CFAP70: variants seen among roughly 807,000 people sequenced by gnomAD.
CFAP70 encodes the protein cilia and flagella associated protein 70, also known as cilia- and flagella-associated protein 70.
In CFAP70, 81 loss-of-function variants were observed where a neutral mutation model predicts 137.6. The observed-to-expected ratio is 0.59, with a 90% CI of 0.49 to 0.71. CFAP70 has a LOEUF of 0.71. CFAP70 is among the 30% of genes least tolerant of loss of function. The pLI, the probability that CFAP70 is intolerant of heterozygous loss-of-function variation, is 0.00. For synonymous variants in CFAP70, 382 were observed against 423.6 expected, an observed-to-expected ratio of 0.90 and a Z score of 1.20; for missense variants, 976 against 1,226.7, an observed-to-expected ratio of 0.80 and a Z score of 3.05.
At chr10:73,298,925 A>C in exon 14 of CFAP70, 1 of 1,613,926 alleles carries the variant, frequency 6.2e-7, no homozygotes, top group Non-Finnish European at 8.5e-7. Flanking sequence ...GTTCTTTGAA[A>C]GCAAAGTATT....
chr10:73,284,471 G>A (rs2131840561), intron 19 of CFAP70, among the ~76,000 whole-genome samples: 1 of 151,940 alleles, frequency 6.6e-6, no homozygotes, highest in Middle Eastern at 3.4e-3. Flanking sequence ...AACATCTTTG[G>A]AGGAGCCATT....
chr10:73,335,029 C>T (rs191771003), intron 7 of CFAP70, among the ~76,000 whole-genome samples: 29 of 150,262 alleles, frequency 1.9e-4, no homozygotes, highest in African/African-American at 6.1e-4. Context: ...ACTACAGGTA[C>T]GTATCTGCAC....
chr10:73,257,371 A>T (rs1305607689), intron 25 of CFAP70, among the ~76,000 whole-genome samples: 2 of 152,152 alleles, frequency 1.3e-5, no homozygotes, highest in African/African-American at 2.4e-5. Context: ...ACTACTCCCC[A>T]CCAGTTTATA....
At chr10:73,260,944 C>T (rs1422988170) in intron 25 of CFAP70, among the ~76,000 whole-genome samples, 1 of 152,088 alleles carries the variant, frequency 6.6e-6, no homozygotes, top group Admixed American at 6.5e-5. Context: ...GGACATATGT[C>T]TTCATTTCTC....
chr10:73,320,798 C>G (rs930159847), intron 9 of CFAP70, among the ~76,000 whole-genome samples: 7 of 151,874 alleles, frequency 4.6e-5, no homozygotes, highest in Non-Finnish European at 7.4e-5. Context: ...CTCCTGATAG[C>G]TGGAACTACA....
Position 73,259,274 on chromosome 10 carries a change from A to G in CFAP70, c.3028-2858T>C, listed in dbSNP as rs542426231. On this transcript the variant is annotated intron_variant, in intron 25 of 26. Coordinates refer to ENST00000310715, the Ensembl canonical transcript of CFAP70. ...GAAATATTGGGGGCTGGTTACCCCA[A>G]TAAGTGCTAATACCATACTTTAATT... is the stretch of plus-strand genomic sequence containing the variant. 1.9e-3 allele frequency among the ~76,000 whole-genome samples: 287 copies of G among 152,344 alleles called. 2 individuals carry two copies. Among genetic ancestry groups the G allele is most frequent in the African/African-American group, 6.5e-3 (271 of 41,580 alleles).
At chr10:73,321,836 T>C (rs1008208064) in intron 9 of CFAP70, among the ~76,000 whole-genome samples, 24 of 152,188 alleles carry the variant, frequency 1.6e-4, no homozygotes, top group Admixed American at 1.4e-3. Context: ...CAGGCTGTAA[T>C]GAAGTTGTGC....
intron 19 of CFAP70, among the ~76,000 whole-genome samples, chr10:73,287,610 G>A (rs2047831871): frequency 6.6e-6 from 1 of 152,116 alleles, no homozygotes; most frequent in Non-Finnish European, 1.5e-5. Flanking sequence ...TTCTTAGGAA[G>A]CTTCTGGAGG....
intron 5 of CFAP70, among the ~76,000 whole-genome samples, chr10:73,342,556 G>A (rs977625525): frequency 2.0e-5 from 3 of 151,876 alleles, no homozygotes; most frequent in African/African-American, 7.3e-5. Flanking sequence ...TTAATAGATA[G>A]ATAGATAGAG....
chr10:73,278,027 G>C, intron 20 of CFAP70, 152 bp downstream of exon 21: 1 of 650,964 alleles, frequency 1.5e-6, no homozygotes, highest in Non-Finnish European at 2.6e-6. Context: ...TAAAATCCTT[G>C]CTTACTGAGA....
intron 8 of CFAP70, among the ~76,000 whole-genome samples, chr10:73,327,415 T>C (rs1457934542): frequency 6.7e-6 from 1 of 150,234 alleles, no homozygotes; most frequent in Non-Finnish European, 1.5e-5. Flanking sequence ...GCCTTCCCTT[T>C]GAAAACTGGC....
chr10:73,305,298 T>C (rs191622682), intron 12 of CFAP70, among the ~76,000 whole-genome samples: 193 of 152,344 alleles, frequency 1.3e-3, no homozygotes, highest in Admixed American at 4.2e-3. Flanking sequence ...CAAAGCATTA[T>C]GGTTGAGACA....
intron 25 of CFAP70, among the ~76,000 whole-genome samples, chr10:73,257,421 G>C (rs1244180707): frequency 2.6e-5 from 4 of 152,188 alleles, no homozygotes; most frequent in Admixed American, 2.0e-4. Context: ...AGTTAAATGA[G>C]ATAATATGAA....
chr10:73,299,045 T>C (rs747174149), exon 14 of CFAP70: 3 of 1,614,064 alleles, frequency 1.9e-6, no homozygotes, highest in Admixed American at 3.3e-5. Context: ...TTCTGTAGTA[T>C]TCATCTAGAA....
At chr10:73,298,961 G>A (rs375537295) in exon 14 of CFAP70, 9 of 1,613,916 alleles carry the variant, frequency 5.6e-6, no homozygotes, top group Non-Finnish European at 7.6e-6. Context: ...GTTCATAGCT[G>A]AGCTGGCACT....
At chr10:73,260,555 T>C (rs1263104250) in intron 25 of CFAP70, among the ~76,000 whole-genome samples, 1 of 152,180 alleles carries the variant, frequency 6.6e-6, no homozygotes, top group African/African-American at 2.4e-5. Context: ...AATTTTAACG[T>C]TATGTTGTGC....
At chr10:73,292,115 G>A in intron 16 of CFAP70, 101 bp from the exon 18 acceptor site, 1 of 1,412,162 alleles carries the variant, frequency 7.1e-7, no homozygotes, top group Non-Finnish European at 9.7e-7. Context: ...TTCTATGAAA[G>A]CACAGATTGT....
intron 4 of CFAP70, among the ~76,000 whole-genome samples, chr10:73,346,419 T>G (rs1036082779): frequency 2.0e-5 from 3 of 151,816 alleles, no homozygotes; most frequent in African/African-American, 7.3e-5. Flanking sequence ...GCATATTACC[T>G]GAGGTCAGGA....
intron 12 of CFAP70, among the ~76,000 whole-genome samples, chr10:73,305,461 A>G (rs535332229): frequency 2.6e-5 from 4 of 152,338 alleles, no homozygotes; most frequent in African/African-American, 7.2e-5. Context: ...AGAAAACCCT[A>G]TGCTTTCACC....
Sources: allele counts gnomAD v4.1 joint callset (sites outside exome capture counted in the v4.1 genomes callset), GRCh38; gene constraint gnomAD v4.1.1; transcripts MANE v1.5; gene names NCBI Gene and HGNC (gene_info 2026-07-23, HGNC 2026-07-21).